OSBPL1A: variants seen among roughly 807,000 people sequenced by gnomAD.
OSBPL1A encodes oxysterol-binding protein-related protein 1.
A neutral mutation model predicts 137.1 loss-of-function variants in OSBPL1A; 80 were observed. The ratio of observed to expected loss-of-function variants is 0.58; its 90% CI spans 0.49 to 0.70. The LOEUF (loss-of-function observed/expected upper bound fraction) is 0.70. OSBPL1A is among the 30% of genes least tolerant of loss of function. The pLI, the probability that OSBPL1A is intolerant of heterozygous loss-of-function variation, is 0.00. For synonymous variants in OSBPL1A, 365 were observed against 389.7 expected (o/e 0.94, Z 0.75); for missense variants, 970 against 1,129.4 (o/e 0.86, Z 2.02).
intron 7 of OSBPL1A, chr18:24,321,594 T>C: frequency 2.2e-6 from 1 of 456,806 alleles, no homozygotes; most frequent in East Asian, 6.8e-5. Context: ...TGGCCTTAAG[T>C]GTATTTTCAA....
chr18:24,334,874 G>A (rs537050930), intron 5 of OSBPL1A, among the ~76,000 whole-genome samples: 1 of 152,272 alleles, frequency 6.6e-6, no homozygotes, highest in South Asian at 2.1e-4. Flanking sequence ...TGCAGCCTCT[G>A]CACAGGACAT....
At chr18:24,290,114 T>C (rs1312020414) in intron 14 of OSBPL1A, among the ~76,000 whole-genome samples, 3 of 152,046 alleles carry the variant, frequency 2.0e-5, no homozygotes, top group African/African-American at 7.2e-5. Context: ...TTGTAGAGTA[T>C]TGACATGTTT....
chr18:24,202,556 C>T (rs928508961), intron 17 of OSBPL1A, among the ~76,000 whole-genome samples: 6 of 152,160 alleles, frequency 3.9e-5, no homozygotes, highest in Admixed American at 6.5e-5. Context: ...ATTCTGTTTA[C>T]GGTATGATTT....
rs2088448628 is a variant in OSBPL1A, at chr18:24,235,744, G to A, written c.1444+3476C>T. 2.6e-5 allele frequency among the ~76,000 whole-genome samples: 4 copies of A among 152,182 alleles called. No individual in the cohort carries two copies. The South Asian group carries it at 8.3e-4, about 31-fold the overall frequency. ...AGATCAAGGCTGGAGATATAAATTT[G>A]GGGACTGTGGCAGTCAGCACAAGGG... On this transcript the variant is annotated intron_variant, in intron 16 of 27. Transcript: ENST00000319481.
rs912132071 is a variant in OSBPL1A at position 24,225,346 on chromosome 18, G to T, written c.1445-148C>A. ...TCCATCTGTTAACTACCTCCTCAGG[G>T]ATTTCACAGAACCTGCACCTAATAT... is the stretch of plus-strand genomic sequence containing the variant. On this transcript the variant is annotated intron_variant, in intron 16 of 27. Transcript: ENST00000319481. 3.3e-5 allele frequency: 24 copies of T among 722,760 alleles called. No homozygotes were observed. The African/African-American group carries it at 3.7e-4, about 11-fold the overall frequency. The allele number at this position is 722,760 out of a possible 1,614,324, so 44.8% of individuals were successfully genotyped here.
chr18:24,170,975 TC>T (rs1279157073), intron 23 of OSBPL1A, among the ~76,000 whole-genome samples: 1 of 151,030 alleles, frequency 6.6e-6, no homozygotes, highest in East Asian at 2.0e-4. Context: ...GAAATAAACT[TC>T]CTTGTAGAAG....
Position 24,312,049 on chromosome 18 carries a change from C to T in OSBPL1A, c.1027G>A (p.Asp343Asn). ...TCCTCCTCCTCATCAGTCAGCTGGT[C>T]CTGGGAACAGTAGTGAGTGCTGTAA... ...SAYSTHYCSQ[D>N]QLTDEEEEDT... is the part of the protein sequence containing the mutation. The change falls in exon 13 of 28, where the codon GAC becomes AAC. Residue 343 changes from aspartate (D) to asparagine (N), a missense_variant. Physicochemically the swap from Asp to Asn is conservative, Grantham distance 23. Coordinates refer to ENST00000319481, the MANE Select transcript of OSBPL1A (RefSeq NM_080597.4). The T allele has an allele frequency of 6.2e-7, 1 of 1,614,118 alleles. No individual in the cohort carries two copies. Among genetic ancestry groups the T allele is most frequent in the Non-Finnish European group, 8.5e-7 (1 of 1,179,986 alleles).
In OSBPL1A at chr18:24,333,025, T is replaced by C. The variant is rs200415330; in HGVS notation, c.542A>G (p.His181Arg). The change falls in exon 7 of 28, where the codon CAT becomes CGT. Residue 181 changes from histidine (H) to arginine (R), a missense_variant. Around this residue, in one of 2 missense-constraint regions of OSBPL1A, gnomAD observed 647 missense variants for 672.6 expected, o/e 0.96. Coordinates refer to ENST00000319481, the MANE Select transcript of OSBPL1A (RefSeq NM_080597.4). The part of the protein sequence containing the change: ...CSDQLGNTPL[H>R]CAAYRAHKQC... ...TTTATGGGCCCGGTAAGCTGCACAA[T>C]GCAAGGGTGTATTTCCTAACTGATC... The C allele has an allele frequency of 2.4e-5, 39 of 1,614,172 alleles. No individual in the cohort carries two copies. The Middle Eastern group carries it at 1.3e-3, about 55-fold the overall frequency.
In OSBPL1A at chr18:24,250,186, GTTT is replaced by G. The variant is rs200198027; in HGVS notation, c.1282-10807_1282-10805del. On this transcript the variant is annotated intron_variant, in intron 15 of 27. Transcript: ENST00000319481. The stretch of plus-strand genomic sequence containing the variant: ...TGTTTGTTTGTTTGTTTGTTTGTTT[GTTT>G]TTTTTGACATGGAGTCTCACTCCGT... Among the ~76,000 whole-genome samples, 189 of 78,074 alleles carry G rather than the reference GTTT, an allele frequency of 2.4e-3. 5 individuals carry two copies. The East Asian group carries it at 0.065, about 27-fold the overall frequency. The allele number at this position is 78,074 out of a possible 152,430, so 51.2% of individuals were successfully genotyped here.
intron 14 of OSBPL1A, chr18:24,301,454 A>G (rs924277348): frequency 3.3e-5 from 5 of 152,208 alleles, no homozygotes; most frequent in African/African-American, 1.2e-4. Context: ...CTTTTTCTAC[A>G]TCTTTTAAAT....
chr18:24,315,937 T>A (rs1426607969), intron 11 of OSBPL1A, among the ~76,000 whole-genome samples: 9 of 139,210 alleles, frequency 6.5e-5, no homozygotes, highest in Admixed American at 2.4e-4. Flanking sequence ...AATAATAATA[T>A]TAATAATATT....
At chr18:24,329,036 G>C (rs1286933105) in intron 7 of OSBPL1A, among the ~76,000 whole-genome samples, 1 of 152,056 alleles carries the variant, frequency 6.6e-6, no homozygotes, top group Non-Finnish European at 1.5e-5. Flanking sequence ...AGTCAAGCAG[G>C]GGATCTCTAA....
chr18:24,250,583 G>A (rs1005367390), intron 15 of OSBPL1A, among the ~76,000 whole-genome samples: 3 of 152,200 alleles, frequency 2.0e-5, no homozygotes, highest in Non-Finnish European at 4.4e-5. Context: ...AAGAGCCTTT[G>A]GGCCCTGAAT....
rs567422821 is a variant in OSBPL1A at position 24,166,560 on chromosome 18, T to C, written c.2659+19A>G. 2.5e-6 allele frequency: 4 copies of C among 1,598,828 alleles called. No homozygotes were observed. Among genetic ancestry groups the C allele is most frequent in the Non-Finnish European group, 3.4e-6 (4 of 1,175,210 alleles). On this transcript the variant is annotated intron_variant, in intron 26 of 27. Coordinates refer to ENST00000319481, the MANE Select transcript of OSBPL1A (RefSeq NM_080597.4). The stretch of plus-strand genomic sequence containing the variant: ...CGAGAAATGAGTCTTCACTGGTGGC[T>C]TTGGCGGATGCTAGTTACCTATCTC...
At chr18:24,287,035 A>G (rs1337929784) in intron 14 of OSBPL1A, among the ~76,000 whole-genome samples, 1 of 152,240 alleles carries the variant, frequency 6.6e-6, no homozygotes. Flanking sequence ...AATTACATTT[A>G]AAAATTTAGA....
intron 18 of OSBPL1A, among the ~76,000 whole-genome samples, chr18:24,187,222 G>A (rs1357237978): frequency 6.6e-6 from 1 of 152,062 alleles, no homozygotes; most frequent in African/African-American, 2.4e-5. Context: ...AATGGTGGTT[G>A]CCGGGCTGAT....
At chr18:24,303,613 T>C in intron 14 of OSBPL1A, 24 bp downstream of exon 14, 1 of 1,581,572 alleles carries the variant, frequency 6.3e-7, no homozygotes, top group Non-Finnish European at 8.7e-7. Flanking sequence ...AGAGTGATTG[T>C]AGGGATAGTG....
At chr18:24,366,870 T>C (rs768931016) in intron 4 of OSBPL1A, 22 bp downstream of exon 4, 13 of 1,603,750 alleles carry the variant, frequency 8.1e-6, no homozygotes, top group Middle Eastern at 1.7e-4. Context: ...CTTACAAACA[T>C]TGAACATAGA....
intron 15 of OSBPL1A, among the ~76,000 whole-genome samples, chr18:24,274,833 C>A (rs939297277): frequency 2.0e-5 from 3 of 151,788 alleles, no homozygotes; most frequent in African/African-American, 7.3e-5. Context: ...CGCTTGAACC[C>A]GGGAGGCTGA....
Sources: gnomAD v4.1 joint callset for allele counts (sites outside exome capture counted in the v4.1 genomes callset) on GRCh38, gnomAD v4.1.1 for gene constraint, gnomAD v4.1.1 regional missense constraint, MANE v1.5 for transcripts, NCBI Gene and HGNC (gene_info 2026-07-23, HGNC 2026-07-21) for gene names.